The following CA10 variants were observed in gnomAD, a reference collection of about 807,000 sequenced individuals.
The protein encoded by CA10 is carbonic anhydrase-related protein 10.
CA10 carries 14 observed loss-of-function variants against 44.2 expected under a neutral mutation model. That is an observed-to-expected ratio of 0.32 (90% CI 0.21 to 0.50). The LOEUF (loss-of-function observed/expected upper bound fraction) is 0.50. Among genes scored for constraint, CA10 ranks in the 20% least tolerant of loss-of-function variants. The pLI, the probability that CA10 is intolerant of heterozygous loss-of-function variation, is 0.99. For synonymous variants in CA10, 159 were observed against 141.6 expected (o/e 1.12, Z -0.87); for missense variants, 350 against 409.7 (o/e 0.85, Z 1.26).
rs1014157149 is a variant in CA10 at position 51,947,941 on chromosome 17, A to G, written c.137-16809T>C. ...AGCAAGGCTCAAAAAATTCAAGGAA[A>G]AAGAAAAAGTAGCTGGGGATAGACC... is the stretch of plus-strand genomic sequence containing the variant. On this transcript the variant is annotated intron_variant, in intron 2 of 8. Coordinates refer to ENST00000451037, the MANE Select transcript of CA10 (RefSeq NM_020178.5). Among the ~76,000 whole-genome samples, 3 of 152,148 alleles carry G rather than the reference A, an allele frequency of 2.0e-5. No homozygotes were observed. The East Asian group carries it at 5.8e-4, about 29-fold the overall frequency.
intron 3 of CA10, among the ~76,000 whole-genome samples, chr17:51,913,336 T>C (rs1161910216): frequency 2.0e-5 from 3 of 151,960 alleles, no homozygotes; most frequent in African/African-American, 7.2e-5. Context: ...GCAGGGTGAG[T>C]CTAAAGACAT....
chr17:51,754,167 A>G (rs912740732), intron 3 of CA10, among the ~76,000 whole-genome samples: 1 of 151,732 alleles, frequency 6.6e-6, no homozygotes, highest in Non-Finnish European at 1.5e-5. Flanking sequence ...TAACAATGTA[A>G]TATTACAGCA....
At chr17:51,952,334 C>G (rs1046891763) in intron 2 of CA10, among the ~76,000 whole-genome samples, 6 of 152,058 alleles carry the variant, frequency 3.9e-5, no homozygotes, top group African/African-American at 1.4e-4. Context: ...TTGCAACAAC[C>G]CTTTTTCCAA....
At position 51,675,897 on chromosome 17, in the gene CA10, A is replaced by T. The variant is rs371992926; in HGVS notation, c.466-22161T>A. Reference sequence around the variant, plus strand: ...TTCTCTTACTTGACACATGCAAGACATTTGCATGTGAGAGACACTCCCATC... The same window carrying T: ...TTCTCTTACTTGACACATGCAAGACTTTTGCATGTGAGAGACACTCCCATC... On this transcript the variant is annotated intron_variant, in intron 4 of 8. Coordinates refer to ENST00000451037, the MANE Select transcript of CA10 (RefSeq NM_020178.5). 6.6e-5 allele frequency among the ~76,000 whole-genome samples: 10 copies of T among 152,270 alleles called. No homozygotes were observed. In the East Asian group the frequency reaches 1.2e-3, roughly 18 times the overall value.
Position 51,809,132 on chromosome 17 carries a change from A to C in CA10, c.280-61314T>G, listed in dbSNP as rs1372948649. On this transcript the variant is annotated intron_variant, in intron 3 of 8. Coordinates refer to ENST00000451037, the MANE Select transcript of CA10 (RefSeq NM_020178.5). The stretch of plus-strand genomic sequence containing the variant: ...CAATGATGCAAATAAAAGGAACAAA[A>C]GTGATAGGGAAAAAATAGAGGCTAA... Among the ~76,000 whole-genome samples, 3 of 152,262 alleles carry C rather than the reference A, an allele frequency of 2.0e-5. No individual in the cohort carries two copies. The East Asian group carries it at 5.8e-4, about 29-fold the overall frequency.
intron 4 of CA10, among the ~76,000 whole-genome samples, chr17:51,704,756 A>G (rs1184208035): frequency 1.3e-5 from 2 of 152,114 alleles, no homozygotes; most frequent in African/African-American, 2.4e-5. Context: ...TAAGGTCAGG[A>G]GTTCAAGACC....
At chr17:51,925,080 G>T (rs1982372561) in intron 3 of CA10, among the ~76,000 whole-genome samples, 1 of 151,928 alleles carries the variant, frequency 6.6e-6, no homozygotes, top group East Asian at 1.9e-4. Context: ...TTAAAGATGG[G>T]GTCTTATTAT....
At chr17:52,094,141 C>A (rs910727205) in intron 1 of CA10, among the ~76,000 whole-genome samples, 1 of 151,888 alleles carries the variant, frequency 6.6e-6, no homozygotes, top group Non-Finnish European at 1.5e-5. Flanking sequence ...CTGGAGCCTG[C>A]GGGGTGTGGG....
chr17:51,870,327 G>A (rs558293301), intron 3 of CA10, among the ~76,000 whole-genome samples: 1 of 152,314 alleles, frequency 6.6e-6, no homozygotes, highest in East Asian at 1.9e-4. Context: ...TGAAAGAGCT[G>A]GCAGTCCACA....
At chr17:51,945,320 G>A (rs141060567) in intron 2 of CA10, among the ~76,000 whole-genome samples, 310 of 152,192 alleles carry the variant, frequency 2.0e-3, no homozygotes, top group African/African-American at 7.1e-3. Context: ...TTAGCTTTCC[G>A]GGAGACTGGG....
At chr17:51,922,275 T>C (rs1244628120) in intron 3 of CA10, among the ~76,000 whole-genome samples, 2 of 152,184 alleles carry the variant, frequency 1.3e-5, no homozygotes, top group Non-Finnish European at 2.9e-5. Flanking sequence ...TCTTGGTTCA[T>C]TTTGAATCAA....
chr17:51,649,186 A>G lies in CA10; in HGVS notation c.630T>C (p.Tyr210=). 1 of 1,611,044 alleles carries G rather than the reference A, an allele frequency of 6.2e-7. No homozygotes were observed. Among genetic ancestry groups the G allele is most frequent in the Non-Finnish European group, 8.5e-7 (1 of 1,177,204 alleles). The change falls in exon 6 of 9, where the codon TAT becomes TAC. Residue 210 remains tyrosine (Y), a synonymous_variant. Transcript: ENST00000451037. ...LNRDTITRIT[Y]KNDAYLLQGL... is the part of the protein sequence containing the mutation. ...AGGAAATTGAACCAAACTTACTTTTATATGTTATTCTTGTGATAGTATCTC... is the reference window on the plus strand; with the variant it reads ...AGGAAATTGAACCAAACTTACTTTTGTATGTTATTCTTGTGATAGTATCTC...
chr17:52,115,662 G>A (rs113859736), intron 1 of CA10, among the ~76,000 whole-genome samples: 180 of 152,146 alleles, frequency 1.2e-3, no homozygotes, highest in African/African-American at 4.1e-3. Flanking sequence ...GCAGCTCCCC[G>A]CCCCCCTCCC....
intron 3 of CA10, among the ~76,000 whole-genome samples, chr17:51,806,923 T>C (rs1300738432): frequency 1.3e-5 from 2 of 152,192 alleles, no homozygotes; most frequent in African/African-American, 2.4e-5. Context: ...AAGAGTTCCC[T>C]TGAGAGTGAC....
chr17:52,076,877 C>T (rs868466627), intron 1 of CA10, among the ~76,000 whole-genome samples: 4 of 152,226 alleles, frequency 2.6e-5, no homozygotes, highest in East Asian at 3.9e-4. Context: ...AACAGAGAGC[C>T]GCCTGAGCTT....
chr17:51,951,308 T>A (rs1352619135), intron 2 of CA10, among the ~76,000 whole-genome samples: 1 of 152,186 alleles, frequency 6.6e-6, no homozygotes, highest in Non-Finnish European at 1.5e-5. Flanking sequence ...TTAAGAACAT[T>A]TCTTCTTTTC....
intron 3 of CA10, among the ~76,000 whole-genome samples, chr17:51,909,861 A>T (rs1175143675): frequency 6.6e-6 from 1 of 152,178 alleles, no homozygotes; most frequent in East Asian, 1.9e-4. Flanking sequence ...CCTGCCTGCC[A>T]TCCCATAACC....
chr17:52,079,654 G>T (rs1438346518), intron 1 of CA10, among the ~76,000 whole-genome samples: 1 of 152,154 alleles, frequency 6.6e-6, no homozygotes, highest in Non-Finnish European at 1.5e-5. Flanking sequence ...TTTGTGGTCA[G>T]TGGGAATGTG....
intron 3 of CA10, among the ~76,000 whole-genome samples, chr17:51,801,593 T>A: frequency 6.6e-6 from 1 of 152,042 alleles, no homozygotes; most frequent in East Asian, 1.9e-4. Context: ...AAAAGTGTGA[T>A]CAGATACCTT....
Sources: gnomAD v4.1 joint callset for allele counts (sites outside exome capture counted in the v4.1 genomes callset) on GRCh38, gnomAD v4.1.1 for gene constraint, MANE v1.5 for transcripts, NCBI Gene and HGNC (gene_info 2026-07-23, HGNC 2026-07-21) for gene names.